AGMO: variants seen among roughly 807,000 people sequenced by gnomAD.
AGMO encodes the protein glyceryl-ether monooxygenase.
A neutral mutation model predicts 60.2 loss-of-function variants in AGMO; 75 were observed. The observed-to-expected ratio is 1.25, with a 90% CI of 1.03 to 1.51. AGMO has a LOEUF of 1.51. Ranked by LOEUF, AGMO falls within the 40% of genes most tolerant of loss-of-function variation. The probability of loss-of-function intolerance (pLI) is 0.00; values close to 1 mark genes in which losing one functional copy is unlikely to be tolerated. For missense variants in AGMO, 763 were observed against 525.5 expected (o/e 1.45, Z -4.42); for synonymous variants, 261 against 177.1 (o/e 1.47, Z -3.76).
chr7:15,118,998 T>C, the AGMO span, among the ~76,000 whole-genome samples: 1 of 150,350 alleles, frequency 6.7e-6, no homozygotes, highest in South Asian at 2.1e-4. Flanking sequence ...GGTTTTTTTT[T>C]CCTTCTTTTG....
intron 12 of AGMO, among the ~76,000 whole-genome samples, chr7:15,359,922 T>C (rs1442253884): frequency 2.0e-5 from 3 of 152,166 alleles, no homozygotes; most frequent in Non-Finnish European, 4.4e-5. Flanking sequence ...AGAAACTAAC[T>C]GGGAAAAGGA....
At chr7:15,275,931 T>A (rs1385427761) in intron 12 of AGMO, among the ~76,000 whole-genome samples, 2 of 152,110 alleles carry the variant, frequency 1.3e-5, no homozygotes, top group Non-Finnish European at 2.9e-5. Flanking sequence ...TCTTTCGTCA[T>A]TAGGTAGTTT....
At chr7:15,414,778 G>A (rs998302700) in intron 5 of AGMO, among the ~76,000 whole-genome samples, 1 of 152,120 alleles carries the variant, frequency 6.6e-6, no homozygotes, top group African/African-American at 2.4e-5. Context: ...ATAAATTGAG[G>A]AACTGACATA....
rs186718805 is a variant in AGMO, at chr7:15,282,988, C to T, written c.1264-81629G>A. The stretch of plus-strand genomic sequence containing the variant: ...GTTAAGAATTCTGTATTCAGCAAAA[C>T]TAAATTTCAAAAATGAAAGAGAAAC... On this transcript the variant is annotated intron_variant, in intron 12 of 12. Transcript: ENST00000342526. Among the ~76,000 whole-genome samples the T allele has an allele frequency of 1.6e-3, 243 of 152,162 alleles. 2 individuals are homozygous for T. Among genetic ancestry groups the T allele is most frequent in the African/African-American group, 5.4e-3 (223 of 41,522 alleles).
intron 10 of AGMO, among the ~76,000 whole-genome samples, chr7:15,371,193 AATTTAATATTAAAT>A (rs1562465731): frequency 2.0e-5 from 3 of 152,118 alleles, no homozygotes; most frequent in Admixed American, 1.3e-4. Flanking sequence ...ATTAATCAAT[AATTTAATATTAAAT>A]ATTTAATAAC....
chr7:15,502,343 A>T (rs1247023741), intron 3 of AGMO, among the ~76,000 whole-genome samples: 1 of 151,520 alleles, frequency 6.6e-6, no homozygotes, highest in Non-Finnish European at 1.5e-5. Context: ...TTCTGGCAGC[A>T]TGGGTGAATG....
intron 4 of AGMO, among the ~76,000 whole-genome samples, chr7:15,422,813 G>T (rs950734868): frequency 1.3e-5 from 2 of 152,082 alleles, no homozygotes; most frequent in Admixed American, 1.3e-4. Context: ...TCTGGATGTG[G>T]GAGTGAAGAG....
chr7:15,433,576 C>T (rs1781317917), intron 3 of AGMO, among the ~76,000 whole-genome samples: 1 of 151,950 alleles, frequency 6.6e-6, no homozygotes, highest in Non-Finnish European at 1.5e-5. Context: ...ATGAGAAAAA[C>T]TTAATGCATT....
intron 12 of AGMO, among the ~76,000 whole-genome samples, chr7:15,248,807 G>A (rs771042370): frequency 6.6e-6 from 1 of 152,218 alleles, no homozygotes; most frequent in Non-Finnish European, 1.5e-5. Context: ...TGAGCCAAGT[G>A]CAGAGTCATT....
chr7:15,231,384 C>A (rs1782254912), intron 12 of AGMO, among the ~76,000 whole-genome samples: 1 of 152,186 alleles, frequency 6.6e-6, no homozygotes, highest in Admixed American at 6.5e-5. Flanking sequence ...TCAATGTATT[C>A]TTCCATGGGC....
At chr7:15,435,423 T>C (rs978525543) in intron 3 of AGMO, among the ~76,000 whole-genome samples, 1 of 152,122 alleles carries the variant, frequency 6.6e-6, no homozygotes, top group Admixed American at 6.6e-5. Flanking sequence ...ACAGCCATTA[T>C]AATAGGTATG....
chr7:15,223,919 T>C (rs1040096234), intron 12 of AGMO, among the ~76,000 whole-genome samples: 4 of 152,110 alleles, frequency 2.6e-5, no homozygotes, highest in African/African-American at 9.6e-5. Flanking sequence ...CATTGGGAAA[T>C]GTTCCAAAAA....
At chr7:15,151,182 A>G in the AGMO span, among the ~76,000 whole-genome samples, 1 of 152,032 alleles carries the variant, frequency 6.6e-6, no homozygotes, top group Non-Finnish European at 1.5e-5. Flanking sequence ...CTGCATTGTC[A>G]TTTATAATCA....
chr7:15,307,973 A>G (rs529569978), intron 12 of AGMO, among the ~76,000 whole-genome samples: 1 of 151,604 alleles, frequency 6.6e-6, no homozygotes, highest in South Asian at 2.1e-4. Flanking sequence ...TAATGGTTTG[A>G]CCTAACTCTA....
intron 12 of AGMO, among the ~76,000 whole-genome samples, chr7:15,274,829 A>G (rs1783732584): frequency 6.6e-6 from 1 of 151,070 alleles, no homozygotes; most frequent in Non-Finnish European, 1.5e-5. Context: ...TAGGTTTTCT[A>G]GTTTGTGCAC....
At chr7:15,275,420 G>A (rs1305304511) in intron 12 of AGMO, among the ~76,000 whole-genome samples, 3 of 151,778 alleles carry the variant, frequency 2.0e-5, no homozygotes, top group African/African-American at 7.3e-5. Flanking sequence ...TATAATTTCA[G>A]TTTTTTTAAT....
chr7:15,393,180 TG>T (rs1673086696), intron 6 of AGMO, among the ~76,000 whole-genome samples: 1 of 152,232 alleles, frequency 6.6e-6, no homozygotes, highest in East Asian at 1.9e-4. Context: ...CTGTGCCCTC[TG>T]ATCTGGCCTC....
chr7:15,159,983 G>A, the AGMO span, among the ~76,000 whole-genome samples: 1 of 152,104 alleles, frequency 6.6e-6, no homozygotes, highest in African/African-American at 2.4e-5. Context: ...AGCTAAAAGT[G>A]CTGCTTCACT....
intron 5 of AGMO, among the ~76,000 whole-genome samples, chr7:15,417,745 T>C (rs1780814557): frequency 6.6e-6 from 1 of 152,208 alleles, no homozygotes; most frequent in South Asian, 2.1e-4. Context: ...ATAATGCACT[T>C]TGTTGTATCA....
Sources: gnomAD v4.1 joint callset for allele counts (sites outside exome capture counted in the v4.1 genomes callset) on GRCh38, gnomAD v4.1.1 for gene constraint, MANE v1.5 for transcripts, NCBI Gene and HGNC (gene_info 2026-07-23, HGNC 2026-07-21) for gene names.